Variants in VPS8 observed in about 807,000 individuals in gnomAD.
VPS8 encodes the protein VPS8 subunit of CORVET complex.
A neutral mutation model predicts 216.4 loss-of-function variants in VPS8; 129 were observed. The ratio of observed to expected loss-of-function variants is 0.60; its 90% CI spans 0.52 to 0.69. The LOEUF is 0.69. Among genes scored for constraint, VPS8 ranks in the 30% least tolerant of loss-of-function variants. The probability of loss-of-function intolerance (pLI) is 0.00; values close to 1 mark genes in which losing one functional copy is unlikely to be tolerated. For missense variants in VPS8, 1,531 were observed against 1,683.5 expected, an observed-to-expected ratio of 0.91 and a Z score of 1.59; for synonymous variants, 571 against 565.4, an observed-to-expected ratio of 1.01 and a Z score of -0.14.
chr3:185,007,493 A>G (rs1459165036), intron 45 of VPS8, among the ~76,000 whole-genome samples: 2 of 152,274 alleles, frequency 1.3e-5, no homozygotes, highest in African/African-American at 4.8e-5. Context: ...TTGTTAGTCA[A>G]CAGGTAACTT....
chr3:184,892,247 A>G (rs781298356), intron 22 of VPS8, among the ~76,000 whole-genome samples: 1 of 152,136 alleles, frequency 6.6e-6, no homozygotes, highest in Non-Finnish European at 1.5e-5. Context: ...TTATTTTGAG[A>G]TAGAGTTTCG....
At chr3:184,933,083 C>T (rs1243145103) in intron 34 of VPS8, among the ~76,000 whole-genome samples, 2 of 152,150 alleles carry the variant, frequency 1.3e-5, no homozygotes, top group African/African-American at 4.8e-5. Flanking sequence ...GGGGTGAGGC[C>T]CAGCAATCCC....
chr3:184,829,509 C>T (rs1456739594), intron 3 of VPS8, among the ~76,000 whole-genome samples: 2 of 152,194 alleles, frequency 1.3e-5, no homozygotes, highest in Non-Finnish European at 2.9e-5. Context: ...AGCCCCTGTG[C>T]CCAGCTTTAT....
chr3:184,993,906 G>A, intron 42 of VPS8, 77 bp from the exon 43 acceptor site: 1 of 1,159,294 alleles, frequency 8.6e-7, no homozygotes, highest in Non-Finnish European at 1.2e-6. Flanking sequence ...AAAGCATTTG[G>A]CTTTTTCAGA....
At chr3:185,044,616 A>AT (rs1032561140) in intron 46 of VPS8, among the ~76,000 whole-genome samples, 3 of 151,230 alleles carry the variant, frequency 2.0e-5, no homozygotes, top group South Asian at 2.1e-4. Flanking sequence ...TTTTAAGGTT[A>AT]TTTTTCACTG....
intron 25 of VPS8, among the ~76,000 whole-genome samples, chr3:184,908,388 G>T (rs776247678): frequency 3.0e-4 from 45 of 152,334 alleles, no homozygotes; most frequent in Non-Finnish European, 4.7e-4. Flanking sequence ...GAGCAAGCCA[G>T]TGTGGGATCC....
intron 21 of VPS8, among the ~76,000 whole-genome samples, chr3:184,879,043 G>A (rs192053794): frequency 1.1e-4 from 16 of 152,154 alleles, no homozygotes; most frequent in Non-Finnish European, 1.3e-4. Flanking sequence ...TAGTACCATC[G>A]CTCCAAAAAG....
intron 40 of VPS8, chr3:184,982,335 A>T (rs1466672191): frequency 2.0e-6 from 1 of 498,610 alleles, no homozygotes; most frequent in Non-Finnish European, 3.5e-6. Context: ...TACGTTTCCC[A>T]GGGCTTCATG....
At chr3:184,865,383 A>C (rs1049612125) in intron 16 of VPS8, among the ~76,000 whole-genome samples, 7 of 152,216 alleles carry the variant, frequency 4.6e-5, no homozygotes, top group African/African-American at 1.7e-4. Context: ...AGTGGGGAAA[A>C]AAAGACACAT....
intron 46 of VPS8, among the ~76,000 whole-genome samples, chr3:185,043,985 T>C (rs1022419786): frequency 5.3e-5 from 8 of 151,216 alleles, no homozygotes; most frequent in Admixed American, 1.3e-4. Context: ...AGGTCAGGAG[T>C]TCAAGACCAG....
intron 46 of VPS8, among the ~76,000 whole-genome samples, chr3:185,025,468 G>A (rs762946811): frequency 2.6e-5 from 4 of 152,304 alleles, no homozygotes; most frequent in East Asian, 1.9e-4. Flanking sequence ...TCAAAGCAAT[G>A]TTCCAAAAAT....
At chr3:184,890,582 G>A (rs930192351) in intron 22 of VPS8, among the ~76,000 whole-genome samples, 2 of 151,852 alleles carry the variant, frequency 1.3e-5, no homozygotes, top group Admixed American at 1.3e-4. Flanking sequence ...AGATAATTCA[G>A]TACCCATCAG....
At chr3:184,840,020 G>T (rs1721824891) in intron 7 of VPS8, 2 of 744,670 alleles carry the variant, frequency 2.7e-6, no homozygotes, top group Non-Finnish European at 1.7e-6. Context: ...AAAGAATAAA[G>T]TTGAAGGGAA....
At chr3:184,885,294 C>T (rs1731001789) in intron 21 of VPS8, among the ~76,000 whole-genome samples, 1 of 152,132 alleles carries the variant, frequency 6.6e-6, no homozygotes, top group South Asian at 2.1e-4. Context: ...AAAGGGAAAC[C>T]ATTTCCCTGT....
rs576057226 is a variant in VPS8 at position 184,888,861 on chromosome 3, T to C, written c.1781+2705T>C. On this transcript the variant is annotated intron_variant, in intron 22 of 47. Transcript: ENST00000625842. ...ATATAGCTATCCAATACCTGATGGT[T>C]GAACTGATGAAGTAATTCTGCCTCC... 2.6e-5 allele frequency among the ~76,000 whole-genome samples: 4 copies of C among 152,318 alleles called. No individual in the cohort carries two copies. The South Asian group carries it at 8.3e-4, about 32-fold the overall frequency.
At chr3:184,900,852 A>G (rs535016606) in intron 24 of VPS8, 69 bp from the exon 25 acceptor site, 22 of 1,379,850 alleles carry the variant, frequency 1.6e-5, no homozygotes, top group Non-Finnish European at 2.1e-5. Flanking sequence ...TGAATAGCAT[A>G]AGATTCTTAT....
chr3:184,816,702 C>T (rs1442432855), intron 1 of VPS8, among the ~76,000 whole-genome samples: 1 of 152,208 alleles, frequency 6.6e-6, no homozygotes, highest in Non-Finnish European at 1.5e-5. Flanking sequence ...GTGGGTCTCT[C>T]AGGAAGCCCC....
intron 29 of VPS8, among the ~76,000 whole-genome samples, chr3:184,924,526 A>G (rs1409563384): frequency 1.3e-5 from 2 of 152,096 alleles, no homozygotes; most frequent in Non-Finnish European, 1.5e-5. Flanking sequence ...CAAAAAAAAA[A>G]AATTAGTTGT....
At chr3:184,976,124 A>G (rs537684302) in intron 40 of VPS8, among the ~76,000 whole-genome samples, 4 of 152,234 alleles carry the variant, frequency 2.6e-5, no homozygotes, top group African/African-American at 9.6e-5. Flanking sequence ...CATTTTTATG[A>G]TATGTATGAT....
Sources: gnomAD v4.1 joint callset for allele counts (sites outside exome capture counted in the v4.1 genomes callset) on GRCh38, gnomAD v4.1.1 for gene constraint, MANE v1.5 for transcripts, NCBI Gene and HGNC (gene_info 2026-07-23, HGNC 2026-07-21) for gene names.